Variants in ANKHD1 observed in about 807,000 individuals in gnomAD.
ANKHD1 encodes the protein ankyrin repeat and KH domain containing 1, also known as ankyrin repeat and KH domain-containing protein 1.
In ANKHD1, 31 loss-of-function variants were observed where a neutral mutation model predicts 230.5. That is an observed-to-expected ratio of 0.13 (90% CI 0.10 to 0.18). The LOEUF (loss-of-function observed/expected upper bound fraction) is 0.18, where lower values mean the gene tolerates loss of function less well. Ranked by LOEUF, ANKHD1 falls within the 10% of genes least tolerant of loss-of-function variation. ANKHD1 has a pLI of 1.00. For missense variants in ANKHD1, 2,256 were observed against 3,071.3 expected (o/e 0.73, Z 6.27); for synonymous variants, 1,074 against 1,117.6 (o/e 0.96, Z 0.78).
At chr5:140,426,887 A>G (rs919806796) in intron 1 of ANKHD1, among the ~76,000 whole-genome samples, 2 of 152,254 alleles carry the variant, frequency 1.3e-5, no homozygotes, top group African/African-American at 4.8e-5. Context: ...TTAGTACAGA[A>G]CAAAATGAAA....
intron 15 of ANKHD1, among the ~76,000 whole-genome samples, chr5:140,501,281 T>C (rs931912042): frequency 1.3e-5 from 2 of 151,622 alleles, no homozygotes; most frequent in South Asian, 2.1e-4. Context: ...GGTTTCACTA[T>C]GTTGGCCAGG....
chr5:140,418,080 G>A (rs1436094342), intron 1 of ANKHD1, among the ~76,000 whole-genome samples: 6 of 149,684 alleles, frequency 4.0e-5, no homozygotes, highest in Admixed American at 3.3e-4. Context: ...GACCTCAGGC[G>A]ATCTGCCCTC....
intron 1 of ANKHD1, among the ~76,000 whole-genome samples, chr5:140,429,163 G>A (rs925688271): frequency 6.7e-6 from 1 of 148,444 alleles, no homozygotes; most frequent in Non-Finnish European, 1.5e-5. Context: ...GCACAATCTC[G>A]GTTCACTCTA....
chr5:140,451,747 A>G (rs543235225), intron 7 of ANKHD1, among the ~76,000 whole-genome samples: 5 of 152,252 alleles, frequency 3.3e-5, no homozygotes, highest in South Asian at 2.1e-4. Context: ...GGCTCAAGCT[A>G]TCTGTCTGCC....
chr5:140,443,428 C>G (rs150215532), intron 5 of ANKHD1, among the ~76,000 whole-genome samples: 2 of 151,790 alleles, frequency 1.3e-5, no homozygotes, highest in Admixed American at 1.3e-4. Context: ...TGGTGGCTCA[C>G]GCCTGTAATC....
chr5:140,525,848 A>AG, intron 25 of ANKHD1, 148 bp from the exon 26 acceptor site: 1 of 1,129,308 alleles, frequency 8.9e-7, no homozygotes, highest in East Asian at 2.8e-5. Flanking sequence ...AAAAAAAAAA[A>AG]AAGATTTCTT....
chr5:140,454,101 A>G (rs1257316917), intron 7 of ANKHD1, among the ~76,000 whole-genome samples: 3 of 152,220 alleles, frequency 2.0e-5, no homozygotes, highest in Non-Finnish European at 4.4e-5. Flanking sequence ...ACCAACAAAG[A>G]TCAAAAGAGA....
intron 1 of ANKHD1, among the ~76,000 whole-genome samples, chr5:140,411,518 T>G (rs1443273266): frequency 2.3e-4 from 34 of 146,666 alleles, no homozygotes; most frequent in Admixed American, 1.2e-3. Flanking sequence ...TTTTTGGCTG[T>G]TTTTTTTTTG....
In ANKHD1 at chr5:140,500,148, C is replaced by T. The variant is rs530179773; in HGVS notation, c.3004+2870C>T. 2.6e-3 allele frequency among the ~76,000 whole-genome samples: 396 copies of T among 152,104 alleles called. 1 individual carries two copies. The highest frequency in any genetic ancestry group is 0.014 in the Middle Eastern group (4 of 294). ...CCTCTCAAAGTGTTGGTTTTACGGG[C>T]GTGAGCCACCGCGCCTGGCCAAAAT... On this transcript the variant is annotated intron_variant, in intron 15 of 33. Coordinates refer to ENST00000360839, the MANE Select transcript of ANKHD1 (RefSeq NM_017747.3).
At chr5:140,410,260 A>C (rs935429692) in intron 1 of ANKHD1, among the ~76,000 whole-genome samples, 1 of 152,174 alleles carries the variant, frequency 6.6e-6, no homozygotes, top group African/African-American at 2.4e-5. Flanking sequence ...TATTTATGTG[A>C]AATTTTTAAA....
At chr5:140,422,069 T>C (rs1772023945) in intron 1 of ANKHD1, among the ~76,000 whole-genome samples, 1 of 152,234 alleles carries the variant, frequency 6.6e-6, no homozygotes, top group Non-Finnish European at 1.5e-5. Flanking sequence ...AACAGAATTA[T>C]GTCCTTTAAA....
At chr5:140,451,125 C>G (rs1254876081) in intron 7 of ANKHD1, among the ~76,000 whole-genome samples, 1 of 152,032 alleles carries the variant, frequency 6.6e-6, no homozygotes, top group Non-Finnish European at 1.5e-5. Flanking sequence ...GCACTCCAGC[C>G]TGGGTGACAG....
chr5:140,485,775 A>C lies in ANKHD1; in HGVS notation c.2142+43A>C. ...TTGTTTGTTAATATAAATATTCTTC[A>C]ACATGATTAGAAGTTTTTGTTTAAA... On this transcript the variant is annotated intron_variant, in intron 13 of 33. Coordinates refer to ENST00000360839, the MANE Select transcript of ANKHD1 (RefSeq NM_017747.3). The surrounding 1 kb of genome is among the most constrained non-coding windows in gnomAD (Gnocchi z 4.8). The C allele has an allele frequency of 6.2e-7, 1 of 1,601,814 alleles. No homozygotes were observed. Among genetic ancestry groups the C allele is most frequent in the African/African-American group, 1.3e-5 (1 of 74,100 alleles).
chr5:140,509,697 C>A lies in ANKHD1; in HGVS notation c.3826C>A (p.Leu1276Ile). ...AGGGTATGCAGAGGTTGGAAGAGTT[C>A]TTCTTGATAAAGGAGCAGATGTTAA... ...SGGYAEVGRVLLDKGADVNAP... is the reference protein window; with the variant it reads ...SGGYAEVGRVILDKGADVNAP... The change falls in exon 21 of 34, where the codon CTT (leucine) becomes ATT (isoleucine). Residue 1276 changes from leucine (L) to isoleucine (I), a missense_variant. Leu to Ile is a conservative substitution (Grantham distance 5). This residue lies in a region of ANKHD1 where 195 missense variants were observed against 340.3 expected (regional missense o/e 0.57). Coordinates refer to ENST00000360839, the MANE Select transcript of ANKHD1 (RefSeq NM_017747.3). 2 of 1,613,234 alleles carry A rather than the reference C, an allele frequency of 1.2e-6. No individual in the cohort carries two copies. Among genetic ancestry groups the A allele is most frequent in the South Asian group, 1.1e-5 (1 of 90,872 alleles).
Position 140,504,801 on chromosome 5 carries a change from A to G in ANKHD1, c.3005-20A>G, listed in dbSNP as rs1434973478. ...TTACTCTTTTAAGTGGAATTTAGCA[A>G]TATGAATATTGTTTTTCAGCTGTGA... On this transcript the variant is annotated intron_variant, in intron 15 of 33. Transcript: ENST00000360839. 6.2e-7 allele frequency: 1 copy of G among 1,603,424 alleles called. No individual in the cohort carries two copies. The highest frequency in any genetic ancestry group is 8.5e-7 in the Non-Finnish European group (1 of 1,176,842).
chr5:140,469,859 TTTACA>T, intron 10 of ANKHD1, among the ~76,000 whole-genome samples: 1 of 151,562 alleles, frequency 6.6e-6, no homozygotes, highest in Non-Finnish European at 1.5e-5. Flanking sequence ...GGATTCAGTT[TTTACA>T]TTACTAGTCT....
intron 10 of ANKHD1, among the ~76,000 whole-genome samples, chr5:140,476,857 A>G (rs984991051): frequency 1.6e-4 from 25 of 151,906 alleles, no homozygotes; most frequent in African/African-American, 5.8e-4. Context: ...AAAATTCTAG[A>G]AAACAATAGC....
intron 1 of ANKHD1, among the ~76,000 whole-genome samples, chr5:140,427,652 C>A (rs1296110896): frequency 6.8e-6 from 1 of 146,976 alleles, no homozygotes; most frequent in African/African-American, 2.5e-5. Context: ...GGGGGCTGAC[C>A]CCCCCACCTC....
rs1200023857 is a variant in ANKHD1, at chr5:140,497,217, T to G, written c.2943T>G (p.Asp981Glu). ...AGGGGCTGTTAGTTCAAGAACCAGA[T>G]GGACTAATGGTTGCAACTCCAGCTC... ...HDQGLLVQEP[D>E]GLMVATPAQT... Residue 981 changes from aspartate (D) to glutamate (E), a missense_variant, in exon 15 of 34, where the codon GAT (aspartate) becomes GAG (glutamate). This residue lies in a region of ANKHD1 where 358 missense variants were observed against 397.7 expected (regional missense o/e 0.90). Coordinates refer to ENST00000360839, the MANE Select transcript of ANKHD1 (RefSeq NM_017747.3). The G allele has an allele frequency of 6.2e-7, 1 of 1,611,094 alleles. No individual in the cohort carries two copies. Among genetic ancestry groups the G allele is most frequent in the East Asian group, 2.2e-5 (1 of 44,886 alleles).
Sources: allele counts gnomAD v4.1 joint callset (sites outside exome capture counted in the v4.1 genomes callset), GRCh38; gene constraint gnomAD v4.1.1; regional missense constraint gnomAD v4.1.1; non-coding constraint Gnocchi (gnomAD v3.1); transcripts MANE v1.5; gene names NCBI Gene and HGNC (gene_info 2026-07-23, HGNC 2026-07-21).